PPHLN1: variants seen among roughly 807,000 people sequenced by gnomAD.
PPHLN1 encodes periphilin-1.
PPHLN1 carries 29 observed loss-of-function variants against 51.3 expected under a neutral mutation model. The observed-to-expected ratio is 0.57, with a 90% CI of 0.42 to 0.77. The LOEUF (loss-of-function observed/expected upper bound fraction) is 0.77, where lower values mean the gene tolerates loss of function less well. Among genes scored for constraint, PPHLN1 ranks in the 30% least tolerant of loss-of-function variants. PPHLN1 has a pLI of 0.00. For synonymous variants in PPHLN1, 147 were observed against 147.8 expected (o/e 0.99, Z 0.04); for missense variants, 436 against 438.4 (o/e 0.99, Z 0.05).
rs894054722 is a variant in PPHLN1 at position 42,326,607 on chromosome 12, C to G, written c.-21+378C>G. ...TTTATGTTTTGTTTTGTTTTGTTTT[C>G]TGGTGAAGATCTCAGTCTAGTTGGG... is the stretch of plus-strand genomic sequence containing the variant. On this transcript the variant is annotated intron_variant, in intron 1 of 9. Coordinates refer to ENST00000358314, the MANE Select transcript of PPHLN1 (RefSeq NM_201439.2). 3.3e-5 allele frequency among the ~76,000 whole-genome samples: 5 copies of G among 152,062 alleles called. No homozygotes were observed. The East Asian group carries it at 7.7e-4, about 23-fold the overall frequency.
chr12:42,443,039 T>G (rs751107127), downstream of PPHLN1: 6 of 295,868 alleles, frequency 2.0e-5, no homozygotes, highest in Non-Finnish European at 3.2e-5. Context: ...CAGTAAAATC[T>G]TTAACGTTAT....
chr12:42,355,124 T>A, intron 3 of PPHLN1, 37 bp from the exon 4 acceptor site: 1 of 1,595,844 alleles, frequency 6.3e-7, no homozygotes, highest in Non-Finnish European at 8.6e-7. Flanking sequence ...TCCAAAATAA[T>A]GTAAACAAAT....
chr12:42,416,295 T>C (rs1356888743), intron 9 of PPHLN1, among the ~76,000 whole-genome samples: 1 of 152,222 alleles, frequency 6.6e-6, no homozygotes, highest in Non-Finnish European at 1.5e-5. Flanking sequence ...AGAAGGAGCT[T>C]GAATAGTCTT....
intron 9 of PPHLN1, among the ~76,000 whole-genome samples, chr12:42,425,756 A>G (rs535904345): frequency 4.6e-5 from 7 of 152,358 alleles, no homozygotes; most frequent in South Asian, 2.1e-4. Context: ...CAAAAAACAC[A>G]GGAAGCAAGG....
chr12:42,343,031 A>G (rs1592236106), intron 2 of PPHLN1, among the ~76,000 whole-genome samples: 1 of 152,182 alleles, frequency 6.6e-6, no homozygotes, highest in Non-Finnish European at 1.5e-5. Context: ...TAGGGAATAG[A>G]TGGGATGCAT....
At chr12:42,365,684 C>T (rs1480028949) in intron 4 of PPHLN1, among the ~76,000 whole-genome samples, 2 of 152,178 alleles carry the variant, frequency 1.3e-5, no homozygotes, top group Non-Finnish European at 2.9e-5. Flanking sequence ...TCTTCCCTTC[C>T]TCCATTCTCC....
intron 2 of PPHLN1, among the ~76,000 whole-genome samples, chr12:42,339,782 T>G (rs1050426504): frequency 6.6e-6 from 1 of 152,212 alleles, no homozygotes; most frequent in Admixed American, 6.5e-5. Flanking sequence ...TTACAAATGA[T>G]ATTTTGCAAT....
At chr12:42,336,347 C>T (rs2137811013) in intron 2 of PPHLN1, among the ~76,000 whole-genome samples, 1 of 152,168 alleles carries the variant, frequency 6.6e-6, no homozygotes, top group African/African-American at 2.4e-5. Context: ...AAAAATGTTA[C>T]AAATTGAATA....
chr12:42,385,129 C>A, intron 6 of PPHLN1, 133 bp downstream of exon 6: 1 of 898,510 alleles, frequency 1.1e-6, no homozygotes, highest in Non-Finnish European at 1.7e-6. Flanking sequence ...AGCAGTAGAC[C>A]TAGGTACTAG....
At chr12:42,360,458 C>CTTTTTTTTTTTTTTTTTTTTTTTTTT (rs71084642) in intron 4 of PPHLN1, among the ~76,000 whole-genome samples, 3 of 56,292 alleles carry the variant, frequency 5.3e-5, no homozygotes, top group African/African-American at 1.5e-4. Flanking sequence ...ATGCTGAATT[C>CTTTTTTTTTTTTTTTTTTTTTTTTTT]TTTTTTTTTT....
chr12:42,332,771 T>G (rs2069967006), intron 1 of PPHLN1: 20 of 945,848 alleles, frequency 2.1e-5, no homozygotes, highest in Non-Finnish European at 3.1e-5. Context: ...CCGGTAAATT[T>G]TAATATTTCA....
chr12:42,416,666 C>T (rs1482339813), intron 9 of PPHLN1, among the ~76,000 whole-genome samples: 1 of 152,194 alleles, frequency 6.6e-6, no homozygotes, highest in Non-Finnish European at 1.5e-5. Context: ...TCTGTTTCAA[C>T]CTTAACTGGT....
chr12:42,377,729 AG>A (rs1220117364), intron 5 of PPHLN1, among the ~76,000 whole-genome samples: 2 of 152,252 alleles, frequency 1.3e-5, no homozygotes, highest in East Asian at 3.8e-4. Flanking sequence ...GAGTAAAAGA[AG>A]CTTGAGGTTC....
At chr12:42,359,558 T>G (rs904667996) in intron 4 of PPHLN1, 1 of 152,238 alleles carries the variant, frequency 6.6e-6, no homozygotes, top group Non-Finnish European at 1.5e-5. Flanking sequence ...TTTTACTGCC[T>G]GGCATCTATC....
intron 2 of PPHLN1, among the ~76,000 whole-genome samples, chr12:42,340,175 G>A (rs1318895914): frequency 1.3e-5 from 2 of 151,918 alleles, no homozygotes; most frequent in Admixed American, 1.3e-4. Flanking sequence ...ATGCATAGTA[G>A]CGCATGCCTG....
intron 9 of PPHLN1, among the ~76,000 whole-genome samples, chr12:42,403,633 A>C (rs1024178245): frequency 1.3e-5 from 2 of 152,218 alleles, no homozygotes; most frequent in African/African-American, 4.8e-5. Flanking sequence ...ATTTACATCA[A>C]ATATAAAATC....
chr12:42,445,089 C>T, downstream of PPHLN1: 1 of 702,382 alleles, frequency 1.4e-6, no homozygotes, highest in South Asian at 1.5e-5. Context: ...CGAGCCGGCC[C>T]TGTGTGCCTT....
chr12:42,384,996 G>A lies in PPHLN1; in HGVS notation c.568G>A (p.Asp190Asn). The change falls in exon 6 of 10, where the codon GAT becomes AAT. Residue 190 changes from aspartate to asparagine, a missense_variant and splice_region_variant. Physicochemically the swap from Asp to Asn is conservative, Grantham distance 23. Coordinates refer to ENST00000358314, the MANE Select transcript of PPHLN1 (RefSeq NM_201439.2). ...KRQNEGNPER[D>N]KERPVQSLKT... is the part of the protein sequence containing the mutation. ...GCAGAATGAAGGAAATCCTGAAAGA[G>A]GTGAGTTTTGAGCTAGACTCTGATT... 2.5e-6 allele frequency: 4 copies of A among 1,605,886 alleles called. No individual in the cohort carries two copies. The highest frequency in any genetic ancestry group is 2.2e-5 in the East Asian group (1 of 44,832).
At chr12:42,412,192 G>A (rs1040286949) in intron 9 of PPHLN1, among the ~76,000 whole-genome samples, 5 of 152,000 alleles carry the variant, frequency 3.3e-5, no homozygotes, top group African/African-American at 9.7e-5. Flanking sequence ...GCGACAGAGC[G>A]AGACTCTTGT....
Sources: allele counts gnomAD v4.1 joint callset (sites outside exome capture counted in the v4.1 genomes callset), GRCh38; gene constraint gnomAD v4.1.1; transcripts MANE v1.5; gene names NCBI Gene and HGNC (gene_info 2026-07-23, HGNC 2026-07-21).